Variants in CRISPLD1 observed in about 807,000 individuals in gnomAD.
CRISPLD1 encodes the protein cysteine-rich secretory protein LCCL domain-containing 1.
CRISPLD1 carries 60 observed loss-of-function variants against 77.5 expected under a neutral mutation model. That is an observed-to-expected ratio of 0.77 (90% CI 0.63 to 0.96). The LOEUF is 0.96. Ranked by LOEUF, CRISPLD1 falls within the 40% of genes least tolerant of loss-of-function variation. CRISPLD1 has a pLI of 0.00. For synonymous variants in CRISPLD1, 195 were observed against 200.1 expected (o/e 0.97, Z 0.22); for missense variants, 623 against 615.8 (o/e 1.01, Z -0.12).
rs751381446 is a variant in CRISPLD1 at position 75,016,551 on chromosome 8, G to T, written c.728-14G>T. Reference sequence around the variant, plus strand: ...AATAGGGTTAATATTTCCTAAATCTGCTTTCTCTAACAGAAGGGTCAGACA... The same window carrying T: ...AATAGGGTTAATATTTCCTAAATCTTCTTTCTCTAACAGAAGGGTCAGACA... On this transcript the variant is annotated splice_polypyrimidine_tract_variant and intron_variant, in intron 6 of 14. Transcript: ENST00000262207. The T allele has an allele frequency of 6.9e-6, 11 of 1,597,844 alleles. No homozygotes were observed. The East Asian group carries it at 2.5e-4, about 36-fold the overall frequency.
At chr8:74,996,914 G>C (rs1812654302) in intron 2 of CRISPLD1, among the ~76,000 whole-genome samples, 3 of 151,730 alleles carry the variant, frequency 2.0e-5, no homozygotes, top group Non-Finnish European at 4.4e-5. Flanking sequence ...GATTGGTCTT[G>C]CTGTGTTTCC....
rs188593089 is a variant in CRISPLD1, at chr8:75,009,349, A to C, written c.259-3084A>C. ...CAGGAAAAAAAAAGAAAAAAAAAAG[A>C]AGCTTTGTTTCCTAACCTAGCTACC... is the stretch of plus-strand genomic sequence containing the variant. On this transcript the variant is annotated intron_variant, in intron 2 of 14. Transcript: ENST00000262207. Among the ~76,000 whole-genome samples the C allele has an allele frequency of 4.3e-3, 655 of 151,906 alleles. 3 individuals are homozygous for C. The highest frequency in any genetic ancestry group is 7.8e-3 in the Non-Finnish European group (531 of 67,936).
chr8:74,986,393 A>G, intron 2 of CRISPLD1, 148 bp downstream of exon 2: 1 of 812,020 alleles, frequency 1.2e-6, no homozygotes, highest in South Asian at 1.8e-5. Flanking sequence ...ATATTCGTTT[A>G]TTAATGTTCC....
At chr8:74,993,968 A>G (rs1812611880) in intron 2 of CRISPLD1, among the ~76,000 whole-genome samples, 1 of 152,214 alleles carries the variant, frequency 6.6e-6, no homozygotes, top group Non-Finnish European at 1.5e-5. Flanking sequence ...TTACAGATTT[A>G]ACTGGGGAAG....
At chr8:75,016,538 A>C (rs764641311) in intron 6 of CRISPLD1, 27 bp from the exon 7 acceptor site, 1 of 1,590,708 alleles carries the variant, frequency 6.3e-7, no homozygotes, top group Non-Finnish European at 8.6e-7. Context: ...TAGGGTTAAT[A>C]TTTCCTAAAT....
At chr8:75,007,606 G>T (rs1812855301) in intron 2 of CRISPLD1, among the ~76,000 whole-genome samples, 1 of 148,244 alleles carries the variant, frequency 6.7e-6, no homozygotes, top group Admixed American at 6.8e-5. Flanking sequence ...GTCCCGCTCT[G>T]TCACCCAGGC....
In CRISPLD1 at chr8:74,991,521, T is replaced by C. The variant is rs187898281; in HGVS notation, c.258+5276T>C. ...GTGTTTATTTGAACCTGTGTTCACA[T>C]TGAATTACTCAATGTTCTTGAAGAT... is the stretch of plus-strand genomic sequence containing the variant. On this transcript the variant is annotated intron_variant, in intron 2 of 14. Coordinates refer to ENST00000262207, the MANE Select transcript of CRISPLD1 (RefSeq NM_031461.6). Among the ~76,000 whole-genome samples the C allele has an allele frequency of 1.4e-4, 21 of 152,146 alleles. 1 individual carries two copies. The highest frequency in any genetic ancestry group is 4.6e-4 in the African/African-American group (19 of 41,428).
intron 6 of CRISPLD1, among the ~76,000 whole-genome samples, chr8:75,015,615 G>C (rs184557611): frequency 6.6e-6 from 1 of 152,232 alleles, no homozygotes; most frequent in African/African-American, 2.4e-5. Flanking sequence ...TAATGTAGAC[G>C]AAGTGTATTA....
At chr8:75,019,975 T>A in intron 11 of CRISPLD1, 32 bp from the exon 12 acceptor site, 1 of 1,612,640 alleles carries the variant, frequency 6.2e-7, no homozygotes, top group Non-Finnish European at 8.5e-7. Flanking sequence ...TTTCAAAGGA[T>A]TCACTCATTG....
chr8:75,032,186 TGCA>T lies in CRISPLD1; in HGVS notation c.1452-3_1452-1del. The T allele has an allele frequency of 6.3e-7, 1 of 1,577,602 alleles. No homozygotes were observed. Among genetic ancestry groups the T allele is most frequent in the South Asian group, 1.1e-5 (1 of 88,344 alleles). On this transcript the variant is annotated splice_acceptor_variant and splice_polypyrimidine_tract_variant and intron_variant, in intron 14 of 14. Coordinates refer to ENST00000262207, the MANE Select transcript of CRISPLD1 (RefSeq NM_031461.6). LOFTEE classifies it high-confidence loss of function. ...ATACTTTTCATATATTTTTTTTTTTTGCAGTTTACAGAATCCTCCAGGAGGAAA... is the reference window on the plus strand; with the variant it reads ...ATACTTTTCATATATTTTTTTTTTTTGTTTACAGAATCCTCCAGGAGGAAA...
At chr8:75,012,653 G>C in intron 3 of CRISPLD1, 102 bp downstream of exon 3, 1 of 895,568 alleles carries the variant, frequency 1.1e-6, no homozygotes, top group Non-Finnish European at 1.8e-6. Context: ...GTGCCTGAAA[G>C]AAAAGTAATC....
chr8:75,027,996 T>G (rs1171354713), intron 13 of CRISPLD1, among the ~76,000 whole-genome samples: 2 of 152,192 alleles, frequency 1.3e-5, no homozygotes, highest in Non-Finnish European at 2.9e-5. Context: ...TACAATAGTC[T>G]CAAAACATAT....
chr8:74,996,069 T>A (rs1812642443), intron 2 of CRISPLD1, among the ~76,000 whole-genome samples: 1 of 150,372 alleles, frequency 6.7e-6, no homozygotes, highest in Non-Finnish European at 1.5e-5. Context: ...TACGCATGTG[T>A]TTTATATATA....
chr8:75,021,666 C>A (rs1813138389), intron 12 of CRISPLD1, among the ~76,000 whole-genome samples: 1 of 152,092 alleles, frequency 6.6e-6, no homozygotes, highest in Non-Finnish European at 1.5e-5. Context: ...TTGATTAGAT[C>A]ATTGTTTGCT....
At chr8:75,010,165 T>C (rs1331431287) in intron 2 of CRISPLD1, among the ~76,000 whole-genome samples, 1 of 152,122 alleles carries the variant, frequency 6.6e-6, no homozygotes, top group Non-Finnish European at 1.5e-5. Context: ...ACACTAATGA[T>C]GATAATAAAC....
intron 14 of CRISPLD1, among the ~76,000 whole-genome samples, chr8:75,031,256 G>A (rs1391083203): frequency 1.3e-5 from 2 of 151,650 alleles, no homozygotes; most frequent in Admixed American, 6.6e-5. Flanking sequence ...CTTTTTTCTT[G>A]TATGAATAAA....
At chr8:75,025,025 A>G (rs1813207669) in intron 12 of CRISPLD1, among the ~76,000 whole-genome samples, 1 of 152,176 alleles carries the variant, frequency 6.6e-6, no homozygotes. Flanking sequence ...AGCTAAGTGG[A>G]GATGTTGAAT....
At chr8:75,011,678 CATT>C (rs768861388) in intron 2 of CRISPLD1, among the ~76,000 whole-genome samples, 54 of 151,980 alleles carry the variant, frequency 3.6e-4, no homozygotes, top group Non-Finnish European at 7.2e-4. Context: ...AAGAATTTGT[CATT>C]ATTTAATTTT....
At chr8:75,023,274 G>A (rs1813171641) in intron 12 of CRISPLD1, among the ~76,000 whole-genome samples, 1 of 152,112 alleles carries the variant, frequency 6.6e-6, no homozygotes, top group Non-Finnish European at 1.5e-5. Flanking sequence ...CTGAATATGG[G>A]CAAGATAAAG....
Sources: gnomAD v4.1 joint callset for allele counts (sites outside exome capture counted in the v4.1 genomes callset) on GRCh38, gnomAD v4.1.1 for gene constraint, MANE v1.5 for transcripts, NCBI Gene and HGNC (gene_info 2026-07-23, HGNC 2026-07-21) for gene names.